The following CDKL5 variants were observed in gnomAD, a reference collection of about 807,000 sequenced individuals.
The protein encoded by CDKL5 is cyclin-dependent kinase-like 5.
CDKL5 carries 8 observed loss-of-function variants against 61.7 expected under a neutral mutation model. The ratio of observed to expected loss-of-function variants is 0.13; its 90% CI spans 0.08 to 0.23. The LOEUF (loss-of-function observed/expected upper bound fraction) is 0.23. CDKL5 is among the 10% of genes least tolerant of loss of function. The pLI, the probability that CDKL5 is intolerant of heterozygous loss-of-function variation, is 1.00. For synonymous variants in CDKL5, 275 were observed against 272.3 expected (o/e 1.01, Z -0.10); for missense variants, 440 against 734.5 (o/e 0.60, Z 4.63).
intron 3 of CDKL5, among the ~76,000 whole-genome samples, chrX:18,544,216 G>A (rs1392783558): frequency 8.9e-6 from 1 of 111,970 alleles, no homozygotes; most frequent in Non-Finnish European, 1.9e-5. Flanking sequence ...CTGCCTTTGT[G>A]AGTCTGGGCT....
intron 20 of CDKL5, chrX:18,647,059 G>A: frequency 1.4e-6 from 1 of 707,764 alleles, no homozygotes; most frequent in Non-Finnish European, 2.1e-6. Flanking sequence ...TGGGATTACA[G>A]GCACGTGCCA....
intron 20 of CDKL5, among the ~76,000 whole-genome samples, chrX:18,646,941 G>C (rs751546463): frequency 9.0e-6 from 1 of 110,823 alleles, no homozygotes; most frequent in South Asian, 3.9e-4. Flanking sequence ...TTTTGAGACA[G>C]GGTCTCACTC....
intron 15 of CDKL5, among the ~76,000 whole-genome samples, chrX:18,613,919 TAATA>T (rs1005912500): frequency 1.8e-5 from 2 of 112,481 alleles, no homozygotes; most frequent in African/African-American, 6.5e-5. Flanking sequence ...GTGTCGCATC[TAATA>T]AATATTTAGG....
At chrX:18,550,217 A>G (rs1164015692) in intron 3 of CDKL5, among the ~76,000 whole-genome samples, 1 of 111,672 alleles carries the variant, frequency 9.0e-6, no homozygotes, top group African/African-American at 3.3e-5. Flanking sequence ...ACCTGAGTCT[A>G]CAGCCTCCTT....
chrX:18,452,068 G>T (rs952271090), intron 1 of CDKL5, among the ~76,000 whole-genome samples: 2 of 111,862 alleles, frequency 1.8e-5, no homozygotes, highest in African/African-American at 6.5e-5. Flanking sequence ...CAAGTTTGGG[G>T]CTAGGGTAAA....
chrX:18,574,566 A>G (rs1438665140), intron 4 of CDKL5, among the ~76,000 whole-genome samples: 2 of 112,062 alleles, frequency 1.8e-5, no homozygotes, highest in Non-Finnish European at 3.8e-5. Context: ...TATTAGAGTT[A>G]ATATGACTTC....
At chrX:18,642,276 G>T, downstream of CDKL5, 1 of 764,709 alleles carries the variant, frequency 1.3e-6, no homozygotes, top group Non-Finnish European at 2.0e-6. Context: ...AGTTAAAGCA[G>T]TTTGCGGGTG....
At chrX:18,554,729 A>G (rs1193119969) in intron 3 of CDKL5, among the ~76,000 whole-genome samples, 1 of 111,640 alleles carries the variant, frequency 9.0e-6, no homozygotes, top group Non-Finnish European at 1.9e-5. Flanking sequence ...TCACGGTATA[A>G]TATTTTAATG....
intron 8 of CDKL5, among the ~76,000 whole-genome samples, chrX:18,587,390 A>G (rs1467822017): frequency 8.9e-6 from 1 of 111,910 alleles, no homozygotes; most frequent in East Asian, 2.8e-4. Context: ...TAGGTTACAT[A>G]TATTATATTC....
downstream of CDKL5, chrX:18,644,517 A>G (rs749081937): frequency 8.3e-7 from 1 of 1,211,372 alleles, no homozygotes; most frequent in Non-Finnish European, 1.1e-6. Context: ...TCATCCACTC[A>G]TCGATGTCAC....
At chrX:18,547,651 T>C in intron 3 of CDKL5, among the ~76,000 whole-genome samples, 1 of 111,336 alleles carries the variant, frequency 9.0e-6, no homozygotes, top group East Asian at 2.8e-4. Flanking sequence ...TCTTCCTCCT[T>C]TTGCTTTAGT....
intron 1 of CDKL5, among the ~76,000 whole-genome samples, chrX:18,460,176 G>A (rs750273611): frequency 9.0e-6 from 1 of 111,265 alleles, no homozygotes; most frequent in Non-Finnish European, 1.9e-5. Context: ...TGAGACAGGC[G>A]TGAGCCACCG....
chrX:18,564,866 G>A (rs987718491), intron 4 of CDKL5, among the ~76,000 whole-genome samples: 1 of 111,317 alleles, frequency 9.0e-6, no homozygotes, highest in Non-Finnish European at 1.9e-5. Context: ...AAAAAAACTG[G>A]CTTCAAGTAA....
At chrX:18,643,662 C>T (rs904747228), downstream of CDKL5, among the ~76,000 whole-genome samples, 1 of 111,886 alleles carries the variant, frequency 8.9e-6, no homozygotes, top group African/African-American at 3.2e-5. Context: ...CTTGGCCGTA[C>T]AAATTGTCAT....
downstream of CDKL5, chrX:18,640,731 T>C (rs990253874): frequency 8.9e-6 from 1 of 112,365 alleles, no homozygotes; most frequent in African/African-American, 3.2e-5. Flanking sequence ...TAGCAAAGAC[T>C]ACCCTGTGTC....
chrX:18,536,735 C>G (rs1923853010), intron 3 of CDKL5, among the ~76,000 whole-genome samples: 1 of 110,290 alleles, frequency 9.1e-6, no homozygotes, highest in Non-Finnish European at 1.9e-5. Flanking sequence ...CGTGAGCCAC[C>G]GTGCCTGGCC....
chrX:18,547,312 A>C (rs973819557), intron 3 of CDKL5, among the ~76,000 whole-genome samples: 3 of 112,278 alleles, frequency 2.7e-5, no homozygotes, highest in African/African-American at 9.7e-5. Context: ...AAAGCATGGA[A>C]TTAGAATGTT....
intron 1 of CDKL5, 33 bp from the exon 2 acceptor site, chrX:18,506,902 C>T: frequency 9.5e-6 from 4 of 422,276 alleles, no homozygotes; most frequent in Non-Finnish European, 1.7e-5. Context: ...AAATATAAAA[C>T]TTACAGCTTT....
intron 21 of CDKL5, chrX:18,650,712 G>C: frequency 1.2e-6 from 1 of 843,957 alleles, no homozygotes; most frequent in Non-Finnish European, 1.7e-6. Context: ...TCATTGGCCT[G>C]GGCATGGGGA....
Sources: allele counts gnomAD v4.1 joint callset (sites outside exome capture counted in the v4.1 genomes callset), GRCh38; gene constraint gnomAD v4.1.1; transcripts MANE v1.5; gene names NCBI Gene and HGNC (gene_info 2026-07-23, HGNC 2026-07-21).